The following MYO1D variants were observed in gnomAD, a reference collection of about 807,000 sequenced individuals.
The protein encoded by MYO1D is myosin ID, also known as unconventional myosin-Id.
MYO1D carries 83 observed loss-of-function variants against 122.0 expected under a neutral mutation model. That is an observed-to-expected ratio of 0.68 (90% CI 0.57 to 0.82). MYO1D has a LOEUF of 0.82. Ranked by LOEUF, MYO1D falls within the 40% of genes least tolerant of loss-of-function variation. MYO1D has a pLI of 0.00. For missense variants in MYO1D, 1,157 were observed against 1,269.5 expected (o/e 0.91, Z 1.35); for synonymous variants, 464 against 446.9 (o/e 1.04, Z -0.48).
rs755270935 is a variant in MYO1D, at chr17:32,755,580, C to G, written c.1379G>C (p.Cys460Ser). Residue 460 changes from cysteine (C) to serine (S), a missense_variant, in exon 11 of 22, where the codon TGC (cysteine) becomes TCC (serine). Coordinates refer to ENST00000318217, the MANE Select transcript of MYO1D (RefSeq NM_015194.3). ...KGIIAILDDACMNVGKVTDEM... is the reference protein window; with the variant it reads ...KGIIAILDDASMNVGKVTDEM... ...ATCGGTGACTTTGCCGACATTCATG[C>G]AAGCATCATCAAGGATTGCAATGAT... 2.5e-6 allele frequency: 4 copies of G among 1,613,942 alleles called. No homozygotes were observed. Among genetic ancestry groups the G allele is most frequent in the Non-Finnish European group, 3.4e-6 (4 of 1,179,874 alleles).
chr17:32,736,270 A>G (rs1462735312), intron 14 of MYO1D, among the ~76,000 whole-genome samples: 3 of 152,156 alleles, frequency 2.0e-5, no homozygotes, highest in African/African-American at 7.2e-5. Flanking sequence ...TTCTTACTTT[A>G]AAACAGAATT....
intron 20 of MYO1D, among the ~76,000 whole-genome samples, chr17:32,624,715 T>C (rs1037497634): frequency 6.6e-6 from 1 of 150,396 alleles, no homozygotes; most frequent in Non-Finnish European, 1.5e-5. Context: ...GCAGCTCTCT[T>C]TAAAGGTGCT....
At chr17:32,598,447 C>T (rs9897539) in intron 21 of MYO1D, among the ~76,000 whole-genome samples, 2 of 152,178 alleles carry the variant, frequency 1.3e-5, no homozygotes, top group African/African-American at 4.8e-5. Context: ...GGTTTTCCCA[C>T]CCCATGGTGG....
intron 19 of MYO1D, among the ~76,000 whole-genome samples, chr17:32,643,983 C>T (rs1288297810): frequency 6.6e-6 from 1 of 152,080 alleles, no homozygotes; most frequent in East Asian, 1.9e-4. Flanking sequence ...GCTCTTGCTT[C>T]TCTAGTTCTT....
intron 21 of MYO1D, among the ~76,000 whole-genome samples, chr17:32,500,732 C>T (rs1384884457): frequency 6.6e-6 from 1 of 152,138 alleles, no homozygotes; most frequent in Non-Finnish European, 1.5e-5. Context: ...AGGGGCCAGG[C>T]GCAGTGGCTC....
At chr17:32,740,205 A>G (rs1019654218) in intron 13 of MYO1D, among the ~76,000 whole-genome samples, 25 of 152,212 alleles carry the variant, frequency 1.6e-4, no homozygotes, top group African/African-American at 5.8e-4. Flanking sequence ...AAAGTAGAAA[A>G]TTGCACTTTG....
chr17:32,659,354 A>G lies in MYO1D; in HGVS notation c.2122-16T>C, dbSNP rs753339390. 1.2e-6 allele frequency: 2 copies of G among 1,612,372 alleles called. No homozygotes were observed. The highest frequency in any genetic ancestry group is 4.5e-5 in the East Asian group (2 of 44,866). On this transcript the variant is annotated splice_polypyrimidine_tract_variant and intron_variant, in intron 16 of 21. Transcript: ENST00000318217. ...CCCGCCACACCTTCACAATAGAGAA[A>G]GAAAAAGGAAAACGTTATTGACCGG... is the stretch of plus-strand genomic sequence containing the variant.
At chr17:32,649,404 A>G (rs1390987698) in intron 19 of MYO1D, among the ~76,000 whole-genome samples, 1 of 152,116 alleles carries the variant, frequency 6.6e-6, no homozygotes, top group African/African-American at 2.4e-5. Context: ...TTCTGTCTCT[A>G]TGAATCAGAT....
chr17:32,525,053 T>C (rs1208550675), intron 21 of MYO1D, among the ~76,000 whole-genome samples: 1 of 152,248 alleles, frequency 6.6e-6, no homozygotes. Flanking sequence ...ATTTGGATTA[T>C]AGCTGAATTA....
chr17:32,735,793 C>G (rs1447434657), intron 14 of MYO1D, among the ~76,000 whole-genome samples: 1 of 151,924 alleles, frequency 6.6e-6, no homozygotes, highest in African/African-American at 2.4e-5. Flanking sequence ...TTTGATATCA[C>G]TAGTTTATCT....
At chr17:32,728,591 C>G (rs1226533199) in intron 14 of MYO1D, among the ~76,000 whole-genome samples, 2 of 152,142 alleles carry the variant, frequency 1.3e-5, no homozygotes, top group Non-Finnish European at 2.9e-5. Flanking sequence ...CAGAGTATGT[C>G]TTTTGATGAA....
intron 14 of MYO1D, among the ~76,000 whole-genome samples, chr17:32,737,746 A>G (rs1260652043): frequency 6.6e-6 from 1 of 152,206 alleles, no homozygotes; most frequent in African/African-American, 2.4e-5. Flanking sequence ...GATTACAGGC[A>G]TAAGCCACAA....
chr17:32,627,563 A>C (rs2087945123), intron 20 of MYO1D, among the ~76,000 whole-genome samples: 1 of 152,290 alleles, frequency 6.6e-6, no homozygotes, highest in South Asian at 2.1e-4. Context: ...TTACCTTTAC[A>C]AAACAGTCAC....
At chr17:32,748,688 T>C (rs1017314613) in intron 12 of MYO1D, among the ~76,000 whole-genome samples, 1 of 152,224 alleles carries the variant, frequency 6.6e-6, no homozygotes, top group Non-Finnish European at 1.5e-5. Flanking sequence ...TGATTCTTAC[T>C]GAACACGAAC....
chr17:32,800,832 T>C (rs1327971005), intron 1 of MYO1D, among the ~76,000 whole-genome samples: 1 of 152,080 alleles, frequency 6.6e-6, no homozygotes, highest in Non-Finnish European at 1.5e-5. Flanking sequence ...CTCAGCCTCC[T>C]GAGTAGCTAG....
chr17:32,651,762 G>A (rs894428758), intron 19 of MYO1D, among the ~76,000 whole-genome samples: 1 of 146,414 alleles, frequency 6.8e-6, no homozygotes, highest in African/African-American at 2.6e-5. Context: ...TGCAACCTCT[G>A]CTTCCCGGGT....
chr17:32,504,245 T>C (rs548775728), intron 21 of MYO1D, among the ~76,000 whole-genome samples: 1 of 152,308 alleles, frequency 6.6e-6, no homozygotes, highest in Admixed American at 6.5e-5. Context: ...ACACTCACCC[T>C]GCTTGTGTCC....
intron 5 of MYO1D, among the ~76,000 whole-genome samples, chr17:32,772,082 C>G (rs1036111468): frequency 3.9e-5 from 6 of 152,138 alleles, no homozygotes; most frequent in Non-Finnish European, 7.4e-5. Context: ...AAACTGAATT[C>G]GACTGAATTG....
At chr17:32,546,293 G>C (rs2086964360) in intron 21 of MYO1D, among the ~76,000 whole-genome samples, 1 of 152,124 alleles carries the variant, frequency 6.6e-6, no homozygotes, top group Non-Finnish European at 1.5e-5. Flanking sequence ...TCACCAACTT[G>C]TTGTGACAGG....
Sources: allele counts gnomAD v4.1 joint callset (sites outside exome capture counted in the v4.1 genomes callset), GRCh38; gene constraint gnomAD v4.1.1; transcripts MANE v1.5; gene names NCBI Gene and HGNC (gene_info 2026-07-23, HGNC 2026-07-21).